The following THOC7 variants were observed in gnomAD, a reference collection of about 807,000 sequenced individuals.
The protein encoded by THOC7 is NIF3L1-binding protein 1.
THOC7 carries 22 observed loss-of-function variants against 33.1 expected under a neutral mutation model. The observed-to-expected ratio is 0.66, with a 90% confidence interval of 0.47 to 0.95. The LOEUF (loss-of-function observed/expected upper bound fraction) is 0.95, where lower values mean the gene tolerates loss of function less well. THOC7 is among the 40% of genes least tolerant of loss of function. THOC7 has a pLI of 0.00. For synonymous variants in THOC7, 77 were observed against 76.8 expected, an observed-to-expected ratio of 1.00 and a Z score of -0.01; for missense variants, 184 against 245.3, an observed-to-expected ratio of 0.75 and a Z score of 1.67.
intron 1 of THOC7, 107 bp from the exon 2 acceptor site, chr3:63,839,880 T>A (rs1008838662): frequency 1.2e-6 from 1 of 866,364 alleles, no homozygotes; most frequent in Non-Finnish European, 1.8e-6. Flanking sequence ...TATTGAAATG[T>A]AAATGCATTT....
At chr3:63,860,450 A>T (rs1702187464) in intron 1 of THOC7, among the ~76,000 whole-genome samples, 1 of 152,166 alleles carries the variant, frequency 6.6e-6, no homozygotes, top group South Asian at 2.1e-4. Context: ...TGCTGAAAAG[A>T]GGTTAAGGAT....
In THOC7 at chr3:63,851,407, T is replaced by G. The variant is rs556982724; in HGVS notation, c.20-11634A>C. Among the ~76,000 whole-genome samples the G allele has an allele frequency of 4.6e-5, 7 of 152,304 alleles. No homozygotes were observed. The South Asian group carries it at 1.5e-3, about 32-fold the overall frequency. Reference sequence around the variant, plus strand: ...TCAAATAAAAATTACAGGAGGCCATTGTTTTGGACTAAGTTCTTGTACTAT... The same window carrying G: ...TCAAATAAAAATTACAGGAGGCCATGGTTTTGGACTAAGTTCTTGTACTAT... On this transcript the variant is annotated intron_variant, in intron 1 of 7. Coordinates refer to ENST00000295899, the MANE Select transcript of THOC7 (RefSeq NM_025075.4).
intron 1 of THOC7, 56 bp downstream of exon 1, chr3:63,863,715 CA>C: frequency 8.0e-7 from 1 of 1,248,578 alleles, no homozygotes; most frequent in African/African-American, 1.6e-5. Flanking sequence ...CCAGGGGTCT[CA>C]GGGGAGGCCC....
At chr3:63,837,173 T>C (rs1701652698) in intron 4 of THOC7, among the ~76,000 whole-genome samples, 1 of 151,958 alleles carries the variant, frequency 6.6e-6, no homozygotes, top group South Asian at 2.1e-4. Flanking sequence ...TACAAATTTT[T>C]TGAATTACAA....
chr3:63,838,236 T>A (rs1197822865), intron 3 of THOC7, 136 bp downstream of exon 3: 3 of 907,772 alleles, frequency 3.3e-6, no homozygotes, highest in East Asian at 5.4e-5. Flanking sequence ...TTTTTATAGC[T>A]AACATTTACT....
At chr3:63,854,321 A>G (rs1702072378) in intron 1 of THOC7, among the ~76,000 whole-genome samples, 1 of 152,216 alleles carries the variant, frequency 6.6e-6, no homozygotes, top group African/African-American at 2.4e-5. Context: ...ATTTTTAATG[A>G]CATCTTATCA....
In THOC7 at chr3:63,843,052, G is replaced by A. The variant is rs151033653; in HGVS notation, c.20-3279C>T. On this transcript the variant is annotated intron_variant, in intron 1 of 7. Transcript: ENST00000295899. Reference sequence around the variant, plus strand: ...ATCCACATGCCTCAACCTCCCAAGTGCTGGAATTACAGGCATGAGCCTCTG... The same window carrying A: ...ATCCACATGCCTCAACCTCCCAAGTACTGGAATTACAGGCATGAGCCTCTG... Among the ~76,000 whole-genome samples, 7 of 151,926 alleles carry A rather than the reference G, an allele frequency of 4.6e-5. No individual in the cohort carries two copies. The East Asian group carries it at 1.4e-3, about 30-fold the overall frequency.
chr3:63,834,098 C>A lies in THOC7; in HGVS notation c.*34G>T. The A allele has an allele frequency of 6.2e-7, 1 of 1,609,734 alleles. No individual in the cohort carries two copies. Among genetic ancestry groups the A allele is most frequent in the Non-Finnish European group, 8.5e-7 (1 of 1,176,724 alleles). On this transcript the variant is annotated 3_prime_UTR_variant, in exon 8 of 8. Transcript: ENST00000295899. ...ACACATTATGGTCATGTAGCTATTT[C>A]AATATTCCTGGGAGTGGTGGGCAAT...
At chr3:63,842,467 G>A (rs2107133159) in intron 1 of THOC7, among the ~76,000 whole-genome samples, 1 of 152,276 alleles carries the variant, frequency 6.6e-6, no homozygotes, top group African/African-American at 2.4e-5. Context: ...ACTGATCAAT[G>A]AGTGAATAAA....
intron 1 of THOC7, among the ~76,000 whole-genome samples, chr3:63,853,633 G>A (rs1335777491): frequency 6.6e-6 from 1 of 152,184 alleles, no homozygotes; most frequent in Non-Finnish European, 1.5e-5. Flanking sequence ...TCACGGCCGG[G>A]CACTATGGCT....
At chr3:63,840,532 A>G (rs1701734058) in intron 1 of THOC7, among the ~76,000 whole-genome samples, 1 of 152,220 alleles carries the variant, frequency 6.6e-6, no homozygotes, top group Non-Finnish European at 1.5e-5. Flanking sequence ...TCAAGGCTGC[A>G]TTGAGCCATG....
chr3:63,838,882 T>G (rs1701694277), intron 2 of THOC7, among the ~76,000 whole-genome samples: 1 of 152,196 alleles, frequency 6.6e-6, no homozygotes, highest in Non-Finnish European at 1.5e-5. Flanking sequence ...GAGAAAAAGT[T>G]TGCTATGTTA....
intron 1 of THOC7, among the ~76,000 whole-genome samples, chr3:63,858,145 C>G (rs1406913735): frequency 6.6e-6 from 1 of 152,216 alleles, no homozygotes; most frequent in African/African-American, 2.4e-5. Context: ...TTGGTGACCA[C>G]ACAACCCATT....
intron 7 of THOC7, 60 bp from the exon 8 acceptor site, chr3:63,834,259 G>A: frequency 6.6e-7 from 1 of 1,514,664 alleles, no homozygotes; most frequent in Non-Finnish European, 9.1e-7. Flanking sequence ...TATATTCGAT[G>A]AACACATGAA....
At chr3:63,852,432 T>C (rs1702037651) in intron 1 of THOC7, among the ~76,000 whole-genome samples, 2 of 152,160 alleles carry the variant, frequency 1.3e-5, no homozygotes, top group African/African-American at 2.4e-5. Flanking sequence ...TTTTGAACCA[T>C]ATGTACTCAA....
intron 1 of THOC7, among the ~76,000 whole-genome samples, chr3:63,851,182 C>T (rs1410874640): frequency 6.6e-6 from 1 of 152,124 alleles, no homozygotes; most frequent in East Asian, 1.9e-4. Context: ...TTCCAGAGAG[C>T]CATCTGTCAA....
At chr3:63,842,797 A>G (rs1306371448) in intron 1 of THOC7, among the ~76,000 whole-genome samples, 1 of 152,102 alleles carries the variant, frequency 6.6e-6, no homozygotes, top group Admixed American at 6.6e-5. Flanking sequence ...TGACAGGTGC[A>G]CTAAAATATC....
At chr3:63,863,843 GGCGGCGGC>G, upstream of THOC7, 1 of 1,220,872 alleles carries the variant, frequency 8.2e-7, no homozygotes, top group Non-Finnish European at 1.0e-6. Context: ...GGCGGCGGTT[GGCGGCGGC>G]GGAGGTCAAA....
chr3:63,840,202 T>C (rs1701728083), intron 1 of THOC7, among the ~76,000 whole-genome samples: 1 of 152,028 alleles, frequency 6.6e-6, no homozygotes, highest in Non-Finnish European at 1.5e-5. Context: ...GAACTCCAAA[T>C]GTTAATGTCT....
Sources: gnomAD v4.1 joint callset for allele counts (sites outside exome capture counted in the v4.1 genomes callset) on GRCh38, gnomAD v4.1.1 for gene constraint, MANE v1.5 for transcripts, NCBI Gene and HGNC (gene_info 2026-07-23, HGNC 2026-07-21) for gene names.